Variants in CUL7 observed in about 807,000 individuals in gnomAD.
CUL7 encodes cullin-7.
A neutral mutation model predicts 177.7 loss-of-function variants in CUL7; 96 were observed. The observed-to-expected ratio is 0.54, with a 90% confidence interval of 0.46 to 0.64. CUL7 has a LOEUF of 0.64. CUL7 is among the 30% of genes least tolerant of loss of function. CUL7 has a pLI of 0.00. For missense variants in CUL7, 1,893 were observed against 2,187.9 expected (o/e 0.87, Z 2.69); for synonymous variants, 824 against 890.2 (o/e 0.93, Z 1.32).
chr6:43,041,082 A>G lies in CUL7; in HGVS notation c.3646-7T>C. ...GGGCGAACTGCTCACTCACCTGAGC[A>G]ATGGCAGAGCACAGGAAAGCCATGA... On this transcript the variant is annotated splice_region_variant and splice_polypyrimidine_tract_variant and intron_variant, in intron 19 of 25. Coordinates refer to ENST00000265348, the MANE Select transcript of CUL7 (RefSeq NM_014780.5). 6.2e-7 allele frequency: 1 copy of G among 1,613,636 alleles called. No individual in the cohort carries two copies. The highest frequency in any genetic ancestry group is 8.5e-7 in the Non-Finnish European group (1 of 1,179,846).
At chr6:43,049,029 T>C (rs552284600) in intron 7 of CUL7, among the ~76,000 whole-genome samples, 37 of 152,108 alleles carry the variant, frequency 2.4e-4, no homozygotes, top group African/African-American at 8.4e-4. Flanking sequence ...GCCTTGGCCT[T>C]CCAAAGTGCT....
Position 43,045,506 on chromosome 6 carries a change from T to A in CUL7, c.2862+81A>T. 1 of 1,612,884 alleles carries A rather than the reference T, an allele frequency of 6.2e-7. No homozygotes were observed. The highest frequency in any genetic ancestry group is 1.3e-5 in the African/African-American group (1 of 75,020). On this transcript the variant is annotated intron_variant, in intron 14 of 25. Coordinates refer to ENST00000265348, the MANE Select transcript of CUL7 (RefSeq NM_014780.5). The surrounding 1 kb of genome is among the most constrained non-coding windows in gnomAD (Gnocchi z 4.8). Reference sequence around the variant, plus strand: ...CCCTGGAGCTGCTCGAGACCCAGGCTGGTCCTCTGGCTTAAGATCTGCCTG... The same window carrying A: ...CCCTGGAGCTGCTCGAGACCCAGGCAGGTCCTCTGGCTTAAGATCTGCCTG...
intron 19 of CUL7, among the ~76,000 whole-genome samples, chr6:43,041,374 G>C (rs1416746263): frequency 2.0e-5 from 3 of 152,196 alleles, no homozygotes; most frequent in Non-Finnish European, 4.4e-5. Flanking sequence ...GGGAGGCTGA[G>C]ACAGGCAGAT....
At position 43,053,651 on chromosome 6, in the gene CUL7, G is replaced by C; in HGVS notation, c.-38C>G. On this transcript the variant is annotated 5_prime_UTR_variant, in exon 1 of 26. Transcript: ENST00000265348. The surrounding 1 kb of genome is among the most constrained non-coding windows in gnomAD (Gnocchi z 4.1). The stretch of plus-strand genomic sequence containing the variant: ...GAAGTCCACCGGGGTCCTGGCGCGA[G>C]GCCTGTCCTTCACAGAGCAAGGGAC... 2 of 1,383,010 alleles carry C rather than the reference G, an allele frequency of 1.4e-6. No individual in the cohort carries two copies. The highest frequency in any genetic ancestry group is 1.9e-6 in the Non-Finnish European group (2 of 1,073,270). 85.7% of individuals were successfully genotyped at this position (1,383,010 alleles called of 1,614,324 possible).
Position 43,040,976 on chromosome 6 carries a change from G to A in CUL7, c.3745C>T (p.Leu1249=). ...MERLAQLQQC[L]QAVLIFSGLE... ...CCGGAGAAAATCAGGACAGCTTGCA[G>A]GCATTGCTGCAGCTGTGCCAGCCTC... Residue 1249 remains leucine (L), a synonymous_variant, in exon 20 of 26, where the codon CTG becomes TTG. Transcript: ENST00000265348. The surrounding 1 kb of genome is among the most constrained non-coding windows in gnomAD (Gnocchi z 4.2). The A allele has an allele frequency of 6.2e-7, 1 of 1,613,340 alleles. No homozygotes were observed. The highest frequency in any genetic ancestry group is 1.3e-5 in the African/African-American group (1 of 75,062).
Position 43,041,073 on chromosome 6 carries a change from C to T in CUL7, c.3648G>A (p.Val1216=). The T allele has an allele frequency of 6.2e-7, 1 of 1,613,762 alleles. No individual in the cohort carries two copies. Among genetic ancestry groups the T allele is most frequent in the South Asian group, 1.1e-5 (1 of 90,982 alleles). The change falls in exon 20 of 26, where the codon GTG becomes GTA. Residue 1216 remains valine (V), a splice_region_variant and synonymous_variant. Coordinates refer to ENST00000265348, the MANE Select transcript of CUL7 (RefSeq NM_014780.5). The stretch of plus-strand genomic sequence containing the variant: ...CAATGTGCCGGGCGAACTGCTCACT[C>T]ACCTGAGCAATGGCAGAGCACAGGA... ...LKLPFLKAAH[V]SEQFARHIDQ...
Position 43,046,251 on chromosome 6 carries a change from C to T in CUL7, c.2645G>A (p.Arg882Gln), listed in dbSNP as rs45574335. 552 of 1,614,220 alleles carry T rather than the reference C, an allele frequency of 3.4e-4. 1 individual carries two copies. The African/African-American group carries it at 6.2e-3, about 18-fold the overall frequency. Residue 882 changes from arginine (R) to glutamine (Q), a missense_variant, in exon 12 of 26, where the codon CGG becomes CAG. Around this residue, in one of 5 missense-constraint regions of CUL7, gnomAD observed 973 missense variants for 1,140.9 expected, o/e 0.85. Transcript: ENST00000265348. ...GGAGAGTTACCTGATGAGGATGCCC[C>T]GGCGCATGTGCAGGGTGATGTAGTG... ...GSHYITLHMR[R>Q]GILIRQLTLL...
chr6:43,052,307 C>A lies in CUL7; in HGVS notation c.482G>T (p.Arg161Met), dbSNP rs1160940916. Residue 161 changes from arginine (R) to methionine (M), a missense_variant, in exon 2 of 26, where the codon AGG becomes ATG. Physicochemically the swap from Arg to Met is moderately conservative, Grantham distance 91. Coordinates refer to ENST00000265348, the MANE Select transcript of CUL7 (RefSeq NM_014780.5). The surrounding 1 kb of genome is among the most constrained non-coding windows in gnomAD (Gnocchi z 4.5). ...EPLTGVFKDP[R>M]VLDLLMHMLS... Reference sequence around the variant, plus strand: ...CATGTGCATGAGCAAGTCCAGGACCCTTGGGTCCTTGAATACTCCAGTGAG... The same window carrying A: ...CATGTGCATGAGCAAGTCCAGGACCATTGGGTCCTTGAATACTCCAGTGAG... 6.2e-7 allele frequency: 1 copy of A among 1,614,242 alleles called. No individual in the cohort carries two copies. The highest frequency in any genetic ancestry group is 1.1e-5 in the South Asian group (1 of 91,084).
Position 43,040,221 on chromosome 6 carries a change from G to T in CUL7, c.4229C>A (p.Pro1410His). 6.2e-7 allele frequency: 1 copy of T among 1,614,168 alleles called. No individual in the cohort carries two copies. The highest frequency in any genetic ancestry group is 1.1e-5 in the South Asian group (1 of 91,076). ...PVASICHTLN[P>H]RTCLPSYLRG... ...CAGGTAGGAGGGCAGGCAGGTTCTG[G>T]GGTTCAGTGTGTGGCAGATTGAGGC... Residue 1410 changes from proline (P) to histidine (H), a missense_variant, in exon 22 of 26, where the codon CCC becomes CAC. Physicochemically the swap from Pro to His is moderately conservative, Grantham distance 77. Around this residue, in one of 5 missense-constraint regions of CUL7, gnomAD observed 973 missense variants for 1,140.9 expected, o/e 0.85. Coordinates refer to ENST00000265348, the MANE Select transcript of CUL7 (RefSeq NM_014780.5). This position sits in a 1 kb window ranked among gnomAD's most constrained non-coding sequence, Gnocchi z 4.2.
chr6:43,038,923 C>G lies in CUL7; in HGVS notation c.4359G>C (p.Trp1453Cys). 1 of 1,613,812 alleles carries G rather than the reference C, an allele frequency of 6.2e-7. No individual in the cohort carries two copies. The highest frequency in any genetic ancestry group is 1.3e-5 in the African/African-American group (1 of 75,044). ...TCTGGTTCCCAAACTGCAGCTCAGCCCAGCCCAGCCACGTCCACTGCAGTC... is the reference window on the plus strand; with the variant it reads ...TCTGGTTCCCAAACTGCAGCTCAGCGCAGCCCAGCCACGTCCACTGCAGTC... ...QRRLQWTWLG[W>C]AELQFGNQTL... Residue 1453 changes from tryptophan (W) to cysteine (C), a missense_variant, in exon 23 of 26, where the codon TGG becomes TGC. Coordinates refer to ENST00000265348, the MANE Select transcript of CUL7 (RefSeq NM_014780.5).
In CUL7 at chr6:43,046,218, CAT is replaced by C. The variant is rs774283182; in HGVS notation, c.2660+16_2660+17del. 1.2e-6 allele frequency: 2 copies of C among 1,614,208 alleles called. No homozygotes were observed. The highest frequency in any genetic ancestry group is 1.1e-5 in the South Asian group (1 of 91,088). ...GAAAGCACACGTGTGTGGCAAAGCACATGTGTGGGAGAGTTACCTGATGAGGA... is the reference window on the plus strand; with the variant it reads ...GAAAGCACACGTGTGTGGCAAAGCACGTGTGGGAGAGTTACCTGATGAGGA... On this transcript the variant is annotated intron_variant, in intron 12 of 25. Coordinates refer to ENST00000265348, the MANE Select transcript of CUL7 (RefSeq NM_014780.5).
chr6:43,038,949 G>A lies in CUL7; in HGVS notation c.4333C>T (p.Arg1445Ter), dbSNP rs121918228. 2.4e-5 allele frequency: 39 copies of A among 1,611,972 alleles called. No individual in the cohort carries two copies. Among genetic ancestry groups the A allele is most frequent in the African/African-American group, 1.1e-4 (8 of 75,006 alleles). ...HPALERGSQRRLQWTWLGWAE... is the reference protein window; with the variant it reads ...HPALERGSQR The stretch of plus-strand genomic sequence containing the variant: ...CAGCCCAGCCACGTCCACTGCAGTC[G>A]CCTCTGTGAGCCTCGCTCAAGGGCA... The change falls in exon 23 of 26, where the codon CGA (arginine) becomes TGA (stop). Residue 1445 changes from arginine to a stop codon, truncating the protein, a stop_gained. Coordinates refer to ENST00000265348, the MANE Select transcript of CUL7 (RefSeq NM_014780.5). LOFTEE classifies it high-confidence loss of function.
chr6:43,040,691 C>T lies in CUL7; in HGVS notation c.3862G>A (p.Val1288Met), dbSNP rs780790674. The T allele has an allele frequency of 5.0e-6, 8 of 1,614,164 alleles. No homozygotes were observed. Among genetic ancestry groups the T allele is most frequent in the African/African-American group, 2.7e-5 (2 of 75,056 alleles). The change falls in exon 21 of 26, where the codon GTG becomes ATG. Residue 1288 changes from valine (V) to methionine (M), a missense_variant. Physicochemically the swap from Val to Met is conservative, Grantham distance 21 (BLOSUM62 1). This residue lies in a region of CUL7 where 973 missense variants were observed against 1,140.9 expected (regional missense o/e 0.85). Coordinates refer to ENST00000265348, the MANE Select transcript of CUL7 (RefSeq NM_014780.5). This position sits in a 1 kb window ranked among gnomAD's most constrained non-coding sequence, Gnocchi z 4.2. ...AAGCAGGGACCGATCTGCTCCAGCA[C>T]GGCCCCCTCCAGCCAGCTCGAGACC... ...GVVSSWLEGA[V>M]LEQIGPCFPN...
Position 43,045,294 on chromosome 6 carries a change from C to T in CUL7, c.2971G>A (p.Val991Ile). 1 of 1,614,228 alleles carries T rather than the reference C, an allele frequency of 6.2e-7. No homozygotes were observed. Among genetic ancestry groups the T allele is most frequent in the Non-Finnish European group, 8.5e-7 (1 of 1,180,040 alleles). ...LCRHTRLFYMVRAQAWSQDMA... is the reference protein window; with the variant it reads ...LCRHTRLFYMIRAQAWSQDMA... The stretch of plus-strand genomic sequence containing the variant: ...TCCTGGCTCCAGGCCTGTGCCCGAA[C>T]CATGTAGAAGAGGCGTGTGTGACGA... The change falls in exon 15 of 26, where the codon GTT (valine) becomes ATT (isoleucine). Residue 991 changes from valine to isoleucine, a missense_variant. By Grantham distance (29) the Val-to-Ile change is conservative. Transcript: ENST00000265348. The surrounding 1 kb of genome is among the most constrained non-coding windows in gnomAD (Gnocchi z 4.8).
rs766457524 is a variant in CUL7 at position 43,052,309 on chromosome 6, T to G, written c.480A>C (p.Pro160=). 5.8e-5 allele frequency: 93 copies of G among 1,613,912 alleles called. 2 individuals carry two copies. In the South Asian group the frequency reaches 1.0e-3, roughly 17 times the overall value. ...IEPLTGVFKD[P]RVLDLLMHML... ...TGTGCATGAGCAAGTCCAGGACCCT[T>G]GGGTCCTTGAATACTCCAGTGAGGG... The change falls in exon 2 of 26, where the codon CCA becomes CCC. Residue 160 remains proline, a synonymous_variant. Coordinates refer to ENST00000265348, the MANE Select transcript of CUL7 (RefSeq NM_014780.5). The surrounding 1 kb of genome is among the most constrained non-coding windows in gnomAD (Gnocchi z 4.5).
rs1203926981 is a variant in CUL7, at chr6:43,046,669, C to T, written c.2398-68G>A. On this transcript the variant is annotated intron_variant, in intron 10 of 25. Transcript: ENST00000265348. Reference sequence around the variant, plus strand: ...GAACACGGAGACACACACGGAAACACGGATGAAGGAGAGACCATGCAGCAG... The same window carrying T: ...GAACACGGAGACACACACGGAAACATGGATGAAGGAGAGACCATGCAGCAG... 1.0e-5 allele frequency: 16 copies of T among 1,599,488 alleles called. No individual in the cohort carries two copies. The East Asian group carries it at 1.8e-4, about 18-fold the overall frequency.
chr6:43,041,517 C>T (rs774302904), intron 19 of CUL7, among the ~76,000 whole-genome samples: 3 of 152,118 alleles, frequency 2.0e-5, no homozygotes, highest in Admixed American at 1.3e-4. Flanking sequence ...CTGAGAGGAC[C>T]ACCTGAGCCC....
intron 10 of CUL7, 88 bp downstream of exon 10, chr6:43,046,792 A>ATG: frequency 1.6e-6 from 2 of 1,221,714 alleles, no homozygotes; most frequent in South Asian, 1.2e-5. Context: ...TGCTGTTCCC[A>ATG]GCCATGGGAA....
In CUL7 at chr6:43,046,495, G is replaced by C; in HGVS notation, c.2488+16C>G. 6.2e-7 allele frequency: 1 copy of C among 1,614,128 alleles called. No individual in the cohort carries two copies. The highest frequency in any genetic ancestry group is 8.5e-7 in the Non-Finnish European group (1 of 1,180,020). ...TAGGTGTGGGGAGGTGGAGCAACAC[G>C]GCAACAGGCACGAACCCTGGCACAG... On this transcript the variant is annotated intron_variant, in intron 11 of 25. Transcript: ENST00000265348.
Sources: gnomAD v4.1 joint callset for allele counts (sites outside exome capture counted in the v4.1 genomes callset) on GRCh38, gnomAD v4.1.1 for gene constraint, gnomAD v4.1.1 regional missense constraint, Gnocchi (gnomAD v3.1) non-coding constraint, MANE v1.5 for transcripts, NCBI Gene and HGNC (gene_info 2026-07-23, HGNC 2026-07-21) for gene names.